Variants in CHSY3 observed in about 807,000 individuals in gnomAD.
The protein encoded by CHSY3 is N-acetylgalactosaminyl-proteoglycan 3-beta-glucuronosyltransferase 3.
CHSY3 carries 35 observed loss-of-function variants against 67.2 expected under a neutral mutation model. The observed-to-expected ratio is 0.52, with a 90% CI of 0.40 to 0.69. The LOEUF is 0.69. Among genes scored for constraint, CHSY3 ranks in the 30% least tolerant of loss-of-function variants. CHSY3 has a pLI of 0.00. For missense variants in CHSY3, 1,069 were observed against 1,138.5 expected (o/e 0.94, Z 0.88); for synonymous variants, 474 against 434.7 (o/e 1.09, Z -1.12).
intron 2 of CHSY3, among the ~76,000 whole-genome samples, chr5:129,961,657 T>C (rs552232427): frequency 2.8e-3 from 419 of 152,046 alleles, no homozygotes; most frequent in Non-Finnish European, 4.9e-3. Flanking sequence ...AGCATAATTA[T>C]TCAACGATTC....
At chr5:129,968,374 A>AT (rs1161430952) in intron 2 of CHSY3, among the ~76,000 whole-genome samples, 1 of 151,862 alleles carries the variant, frequency 6.6e-6, no homozygotes, top group Admixed American at 6.6e-5. Context: ...TAATTGTTGC[A>AT]TTGAAAAATC....
intron 2 of CHSY3, among the ~76,000 whole-genome samples, chr5:129,998,845 T>C (rs566444237): frequency 4.6e-5 from 7 of 152,178 alleles, no homozygotes; most frequent in Middle Eastern, 3.4e-3. Context: ...GTTGCAAAAT[T>C]CTTTTTTAGG....
At chr5:129,926,846 TTA>T (rs140265542) in intron 2 of CHSY3, among the ~76,000 whole-genome samples, 1,697 of 152,030 alleles carry the variant, frequency 0.011, 36 homozygotes, top group African/African-American at 0.037. Context: ...TACATAATAT[TTA>T]TATATTCAAT....
intron 2 of CHSY3, among the ~76,000 whole-genome samples, chr5:129,971,704 A>G (rs1762644834): frequency 6.6e-6 from 1 of 152,016 alleles, no homozygotes; most frequent in African/African-American, 2.4e-5. Flanking sequence ...CACATTGCTT[A>G]TAAAAAAATA....
intron 2 of CHSY3, among the ~76,000 whole-genome samples, chr5:129,941,055 C>CA (rs538831902): frequency 4.1e-4 from 62 of 151,512 alleles, no homozygotes; most frequent in South Asian, 8.4e-4. Context: ...CCTGTCTCTA[C>CA]AAAAAAAATA....
chr5:130,076,840 C>T (rs1426653866), intron 2 of CHSY3, among the ~76,000 whole-genome samples: 2 of 150,956 alleles, frequency 1.3e-5, no homozygotes, highest in Non-Finnish European at 2.9e-5. Context: ...AGTAAACTAT[C>T]GCAAGAACAA....
chr5:130,057,896 C>A (rs961804638), intron 2 of CHSY3, among the ~76,000 whole-genome samples: 15 of 150,538 alleles, frequency 1.0e-4, no homozygotes, highest in Non-Finnish European at 1.6e-4. Context: ...CACATACATG[C>A]ACACAGAGAG....
chr5:130,088,946 A>C (rs1360571187), intron 2 of CHSY3, among the ~76,000 whole-genome samples: 1 of 152,150 alleles, frequency 6.6e-6, no homozygotes, highest in South Asian at 2.1e-4. Context: ...GGCACTATTC[A>C]CAATAGCAAA....
intron 2 of CHSY3, among the ~76,000 whole-genome samples, chr5:130,131,212 G>C (rs1317699670): frequency 1.3e-5 from 2 of 152,172 alleles, no homozygotes; most frequent in Non-Finnish European, 2.9e-5. Flanking sequence ...GGATACTACA[G>C]TGTGTTCTTG....
At chr5:130,039,744 G>T (rs962338755) in intron 2 of CHSY3, among the ~76,000 whole-genome samples, 2 of 151,944 alleles carry the variant, frequency 1.3e-5, no homozygotes, top group Non-Finnish European at 2.9e-5. Flanking sequence ...TCCCAAGGTG[G>T]TAAGATTACA....
At chr5:130,114,587 A>C (rs1767719091) in intron 2 of CHSY3, 1 of 152,178 alleles carries the variant, frequency 6.6e-6, no homozygotes, top group South Asian at 2.1e-4. Flanking sequence ...AAGGTAATAT[A>C]TGTAAAGTTC....
At chr5:130,145,283 A>G (rs1769038495) in intron 2 of CHSY3, among the ~76,000 whole-genome samples, 1 of 152,018 alleles carries the variant, frequency 6.6e-6, no homozygotes, top group Non-Finnish European at 1.5e-5. Flanking sequence ...AAGAGGCCAA[A>G]CATAGTTCAC....
At chr5:130,055,707 T>A (rs1291210640) in intron 2 of CHSY3, among the ~76,000 whole-genome samples, 1 of 152,048 alleles carries the variant, frequency 6.6e-6, no homozygotes, top group Admixed American at 6.6e-5. Flanking sequence ...CAGCAGCTGC[T>A]GCTGCTGCTG....
intron 2 of CHSY3, among the ~76,000 whole-genome samples, chr5:130,094,396 T>C (rs997061938): frequency 1.3e-5 from 2 of 152,236 alleles, no homozygotes; most frequent in Non-Finnish European, 2.9e-5. Flanking sequence ...TTTAACCTGT[T>C]GGACTTTTTC....
intron 2 of CHSY3, among the ~76,000 whole-genome samples, chr5:130,100,702 A>G (rs1026184910): frequency 5.3e-5 from 8 of 152,226 alleles, no homozygotes; most frequent in African/African-American, 1.9e-4. Context: ...TTTAATCCTT[A>G]AACTAACTTT....
intron 2 of CHSY3, among the ~76,000 whole-genome samples, chr5:129,971,098 C>A (rs1032865335): frequency 2.0e-5 from 3 of 151,730 alleles, no homozygotes; most frequent in African/African-American, 7.3e-5. Context: ...ATTCAAAGGA[C>A]ATGTACTGAA....
intron 2 of CHSY3, among the ~76,000 whole-genome samples, chr5:130,099,418 T>G (rs1417807473): frequency 6.6e-6 from 1 of 152,208 alleles, no homozygotes; most frequent in Non-Finnish European, 1.5e-5. Flanking sequence ...AACATTTTAG[T>G]ACAGATGCCA....
chr5:130,174,298 T>TA lies in CHSY3; in HGVS notation c.1087-9919dup, dbSNP rs1187464665. ...TCCAAGTTAGAGGATCCTTTCTCGT[T>TA]AAAAAAAAAAAAGTAGTAGCATAAT... is the stretch of plus-strand genomic sequence containing the variant. On this transcript the variant is annotated intron_variant, in intron 2 of 2. Coordinates refer to ENST00000305031, the MANE Select transcript of CHSY3 (RefSeq NM_175856.5). Among the ~76,000 whole-genome samples, 205 of 144,530 alleles carry TA rather than the reference T, an allele frequency of 1.4e-3. 1 individual carries two copies. The highest frequency in any genetic ancestry group is 2.2e-3 in the African/African-American group (88 of 39,742). 94.8% of individuals were successfully genotyped at this position (144,530 alleles called of 152,430 possible). A position where few individuals can be genotyped will look rare whatever the true frequency, so the allele number is the denominator to read the frequency against.
chr5:129,959,615 G>T (rs1054670126), intron 2 of CHSY3, among the ~76,000 whole-genome samples: 2 of 151,846 alleles, frequency 1.3e-5, no homozygotes, highest in Non-Finnish European at 2.9e-5. Context: ...TGAGTTTATT[G>T]TTATTCAGTT....
Sources: gnomAD v4.1 joint callset for allele counts (sites outside exome capture counted in the v4.1 genomes callset) on GRCh38, gnomAD v4.1.1 for gene constraint, MANE v1.5 for transcripts, NCBI Gene and HGNC (gene_info 2026-07-23, HGNC 2026-07-21) for gene names.